LARGE1: variants seen among roughly 807,000 people sequenced by gnomAD.
The protein encoded by LARGE1 is xylosyl- and glucuronyltransferase LARGE1.
In LARGE1, 43 loss-of-function variants were observed where a neutral mutation model predicts 87.6. That is an observed-to-expected ratio of 0.49 (90% confidence interval 0.38 to 0.63). The LOEUF (loss-of-function observed/expected upper bound fraction) is 0.63, where lower values mean the gene tolerates loss of function less well. Ranked by LOEUF, LARGE1 falls within the 30% of genes least tolerant of loss-of-function variation. LARGE1 has a pLI of 0.00. For synonymous variants in LARGE1, 434 were observed against 394.6 expected (o/e 1.10, Z -1.18); for missense variants, 802 against 1,000.2 (o/e 0.80, Z 2.67).
chr22:33,503,833 C>T (rs1271465905), intron 6 of LARGE1, among the ~76,000 whole-genome samples: 1 of 151,704 alleles, frequency 6.6e-6, no homozygotes, highest in African/African-American at 2.4e-5. Context: ...CACCAAAAAA[C>T]AAAACAAAAC....
At chr22:33,100,349 CAAAA>C in the LARGE1 span, among the ~76,000 whole-genome samples, 28 of 65,310 alleles carry the variant, frequency 4.3e-4, no homozygotes, top group Admixed American at 4.0e-3. Context: ...GACTCCATCT[CAAAA>C]AAAAAAAAAA....
At chr22:33,654,361 C>T (rs182445000) in intron 2 of LARGE1, among the ~76,000 whole-genome samples, 141 of 152,270 alleles carry the variant, frequency 9.3e-4, no homozygotes, top group Middle Eastern at 3.4e-3. Flanking sequence ...CCAGTTTTGC[C>T]TTCTGAAAGG....
At chr22:33,110,220 A>T in the LARGE1 span, among the ~76,000 whole-genome samples, 1 of 152,290 alleles carries the variant, frequency 6.6e-6, no homozygotes, top group South Asian at 2.1e-4. Context: ...TCTACCCCAC[A>T]CCATCTGCAG....
chr22:33,070,812 TG>T, the LARGE1 span, among the ~76,000 whole-genome samples: 1 of 152,080 alleles, frequency 6.6e-6, no homozygotes, highest in East Asian at 1.9e-4. Flanking sequence ...TTATAGGACT[TG>T]GGGAAATGTG....
At chr22:33,372,360 A>G (rs374218580) in intron 9 of LARGE1, among the ~76,000 whole-genome samples, 21 of 152,312 alleles carry the variant, frequency 1.4e-4, no homozygotes, top group Middle Eastern at 3.4e-3. Flanking sequence ...TTCTGTATAC[A>G]AAGTGTATTA....
Position 33,843,355 on chromosome 22 carries a change from C to T in LARGE1, c.-83+76640G>A, listed in dbSNP as rs570160368. Among the ~76,000 whole-genome samples, 10 of 151,196 alleles carry T rather than the reference C, an allele frequency of 6.6e-5. No homozygotes were observed. The South Asian group carries it at 1.1e-3, about 16-fold the overall frequency. On this transcript the variant is annotated intron_variant, in intron 1 of 14. Transcript: ENST00000397394. ...GGGAGGCTGAGGCAGGAGAATCGCC[C>T]GACCCCAGGAGACAGAGTTTGCAGT...
chr22:33,885,949 G>A (rs2064832055), intron 1 of LARGE1, among the ~76,000 whole-genome samples: 1 of 152,136 alleles, frequency 6.6e-6, no homozygotes. Flanking sequence ...AGAATTGCTT[G>A]AACCTGGGAG....
In LARGE1 at chr22:33,289,340, G is replaced by C. The variant is rs139155971; in HGVS notation, c.1731-5992C>G. On this transcript the variant is annotated intron_variant, in intron 12 of 14. Coordinates refer to ENST00000397394, the MANE Select transcript of LARGE1 (RefSeq NM_133642.5). ...AAGCCCTGTGAACATAAGTGACTTG[G>C]AGCCAGACAGCAGCAGCTTCCAAAC... 2.8e-3 allele frequency among the ~76,000 whole-genome samples: 431 copies of C among 152,258 alleles called. 4 individuals are homozygous for C. The highest frequency in any genetic ancestry group is 9.7e-3 in the African/African-American group (401 of 41,552).
intron 1 of LARGE1, among the ~76,000 whole-genome samples, chr22:33,800,147 T>C (rs920172774): frequency 6.6e-6 from 1 of 152,184 alleles, no homozygotes; most frequent in South Asian, 2.1e-4. Context: ...AGTAAGCCCC[T>C]TGCAGGCAAG....
At chr22:33,575,526 G>T (rs1417345631) in intron 5 of LARGE1, among the ~76,000 whole-genome samples, 1 of 152,146 alleles carries the variant, frequency 6.6e-6, no homozygotes, top group African/African-American at 2.4e-5. Flanking sequence ...ATCAACAGGA[G>T]AACTGAATTA....
At chr22:33,166,673 C>A (rs1922290365) in exon 12 of LARGE1, 1 of 456,208 alleles carries the variant, frequency 2.2e-6, no homozygotes, top group Non-Finnish European at 4.6e-6. Flanking sequence ...ACTTTGGCTT[C>A]AACGTTGAGC....
At chr22:33,766,933 T>TATATATATAC (rs2084923244) in intron 1 of LARGE1, among the ~76,000 whole-genome samples, 2 of 19,552 alleles carry the variant, frequency 1.0e-4, no homozygotes, top group African/African-American at 1.5e-4. Flanking sequence ...TATATATATA[T>TATATATATAC]ATATATATAT....
chr22:33,709,979 GA>G (rs5845106), intron 2 of LARGE1, among the ~76,000 whole-genome samples: 27,219 of 88,790 alleles, frequency 0.31, 2,773 homozygotes, highest in East Asian at 0.55. Context: ...TTGCTAGGCA[GA>G]AAAAAAAAAA....
At chr22:33,762,321 G>C (rs1277539259) in intron 1 of LARGE1, among the ~76,000 whole-genome samples, 1 of 151,308 alleles carries the variant, frequency 6.6e-6, no homozygotes, top group Non-Finnish European at 1.5e-5. Context: ...ACCCCAAGCT[G>C]AGATGTGCAT....
intron 9 of LARGE1, among the ~76,000 whole-genome samples, chr22:33,341,883 A>C (rs2146626412): frequency 6.6e-6 from 1 of 152,134 alleles, no homozygotes; most frequent in African/African-American, 2.4e-5. Flanking sequence ...TGGGTTTCCT[A>C]CCCTCTCAAA....
downstream of LARGE1, among the ~76,000 whole-genome samples, chr22:33,161,423 C>A (rs1256683538): frequency 3.9e-5 from 6 of 152,110 alleles, no homozygotes; most frequent in Non-Finnish European, 5.9e-5. Flanking sequence ...AGCATTAACC[C>A]AATAAAAGTC....
At chr22:33,103,032 C>T in the LARGE1 span, among the ~76,000 whole-genome samples, 1 of 152,068 alleles carries the variant, frequency 6.6e-6, no homozygotes, top group South Asian at 2.1e-4. Flanking sequence ...GCGGCCCCTG[C>T]CCCCCGCCCC....
chr22:33,193,205 A>C (rs1013181471), intron 11 of LARGE1, among the ~76,000 whole-genome samples: 1 of 152,138 alleles, frequency 6.6e-6, no homozygotes, highest in African/African-American at 2.4e-5. Context: ...AGTATAGTTT[A>C]GTTAATTTCT....
intron 2 of LARGE1, among the ~76,000 whole-genome samples, chr22:33,673,783 T>C (rs935940981): frequency 3.9e-5 from 6 of 152,152 alleles, no homozygotes; most frequent in Admixed American, 2.0e-4. Flanking sequence ...CTGCAGCCTC[T>C]GCTTCCTGGG....
Sources: gnomAD v4.1 joint callset for allele counts (sites outside exome capture counted in the v4.1 genomes callset) on GRCh38, gnomAD v4.1.1 for gene constraint, MANE v1.5 for transcripts, NCBI Gene and HGNC (gene_info 2026-07-23, HGNC 2026-07-21) for gene names.